Variants in GLCE observed in about 807,000 individuals in gnomAD.
The protein encoded by GLCE is D-glucuronyl C5-epimerase.
A neutral mutation model predicts 47.9 loss-of-function variants in GLCE; 19 were observed. The ratio of observed to expected loss-of-function variants is 0.40; its 90% CI spans 0.28 to 0.58. GLCE has a LOEUF of 0.58. Among genes scored for constraint, GLCE ranks in the 20% least tolerant of loss-of-function variants. GLCE has a pLI of 0.48. For synonymous variants in GLCE, 245 were observed against 263.4 expected (o/e 0.93, Z 0.68); for missense variants, 556 against 743.3 (o/e 0.75, Z 2.93).
At position 69,256,303 on chromosome 15, in the gene GLCE, C is replaced by A. The variant is rs1185987460; in HGVS notation, c.497C>A (p.Ala166Asp). 1 of 1,613,854 alleles carries A rather than the reference C, an allele frequency of 6.2e-7. No individual in the cohort carries two copies. The highest frequency in any genetic ancestry group is 1.7e-5 in the Admixed American group (1 of 60,010). ...TATTCCAAAGTCTATGCACAGAGAGCCCCCTATCACCCCGATGGTGTGTTT... is the reference window on the plus strand; with the variant it reads ...TATTCCAAAGTCTATGCACAGAGAGACCCCTATCACCCCGATGGTGTGTTT... ...HSYSKVYAQR[A>D]PYHPDGVFMS... is the part of the protein sequence containing the mutation. The change falls in exon 3 of 5, where the codon GCC (alanine) becomes GAC (aspartate). Residue 166 changes from alanine to aspartate, a missense_variant. Around this residue, in one of 3 missense-constraint regions of GLCE, gnomAD observed 237 missense variants for 310.9 expected, o/e 0.76. Transcript: ENST00000261858.
chr15:69,166,781 G>A (rs924433025), intron 1 of GLCE, among the ~76,000 whole-genome samples: 5 of 151,396 alleles, frequency 3.3e-5, no homozygotes, highest in East Asian at 3.9e-4. Flanking sequence ...TTAGCCGGGC[G>A]TGGTGGCACA....
At chr15:69,227,025 G>C (rs1372039782) in intron 2 of GLCE, among the ~76,000 whole-genome samples, 1 of 151,986 alleles carries the variant, frequency 6.6e-6, no homozygotes, top group Non-Finnish European at 1.5e-5. Flanking sequence ...AATTACAGGC[G>C]TGAGCCACCA....
Position 69,161,619 on chromosome 15 carries a change from G to A in GLCE, c.-105+862G>A, listed in dbSNP as rs567945439. Reference sequence around the variant, plus strand: ...TACCGCGCAGGCTGGGCAGCATCCTGAAACGTTTTTGTTCAGGTCTCCTTC... The same window carrying A: ...TACCGCGCAGGCTGGGCAGCATCCTAAAACGTTTTTGTTCAGGTCTCCTTC... On this transcript the variant is annotated intron_variant, in intron 1 of 4. Transcript: ENST00000261858. 4.6e-5 allele frequency among the ~76,000 whole-genome samples: 7 copies of A among 152,330 alleles called. No individual in the cohort carries two copies. In the South Asian group the frequency reaches 1.2e-3, roughly 27 times the overall value.
intron 1 of GLCE, among the ~76,000 whole-genome samples, chr15:69,170,228 T>A (rs866397198): frequency 7.2e-5 from 11 of 152,182 alleles, no homozygotes; most frequent in African/African-American, 2.4e-4. Flanking sequence ...TAAGTGAAGT[T>A]GAAACATTGT....
At chr15:69,184,205 G>T (rs12438916) in intron 1 of GLCE, among the ~76,000 whole-genome samples, 1 of 152,052 alleles carries the variant, frequency 6.6e-6, no homozygotes, top group East Asian at 1.9e-4. Flanking sequence ...ATGGCTTAAT[G>T]CTGATCCTGA....
At chr15:69,216,430 T>A (rs943064372) in intron 2 of GLCE, among the ~76,000 whole-genome samples, 1 of 152,140 alleles carries the variant, frequency 6.6e-6, no homozygotes, top group East Asian at 1.9e-4. Context: ...TGGGCTACTT[T>A]ATATAAACAT....
At position 69,210,310 on chromosome 15, in the gene GLCE, C is replaced by A. The variant is rs1350144567; in HGVS notation, c.-104-6C>A. 6.6e-6 allele frequency: 1 copy of A among 151,992 alleles called. No homozygotes were observed. Among genetic ancestry groups the A allele is most frequent in the South Asian group, 2.1e-4 (1 of 4,818 alleles). The allele number at this position is 151,992 out of a possible 1,614,324, so 9.4% of individuals were successfully genotyped here. ...TGACTTAAGGTTTTCAATTTTGTTTCTCTAGGAATTTGACAAGAAACTGAA... is the reference window on the plus strand; with the variant it reads ...TGACTTAAGGTTTTCAATTTTGTTTATCTAGGAATTTGACAAGAAACTGAA... On this transcript the variant is annotated splice_region_variant and splice_polypyrimidine_tract_variant and intron_variant, in intron 1 of 4. Transcript: ENST00000261858.
intron 3 of GLCE, 125 bp downstream of exon 3, chr15:69,256,517 G>A: frequency 2.8e-6 from 2 of 720,514 alleles, no homozygotes; most frequent in Non-Finnish European, 4.6e-6. Context: ...CTCTAATTTA[G>A]CAGGGAGGAA....
chr15:69,234,873 G>A (rs1484418235), intron 2 of GLCE, among the ~76,000 whole-genome samples: 1 of 151,996 alleles, frequency 6.6e-6, no homozygotes, highest in Non-Finnish European at 1.5e-5. Flanking sequence ...ATATCATTCT[G>A]TGGAAAGCCA....
At position 69,180,546 on chromosome 15, in the gene GLCE, A is replaced by T. The variant is rs1328004035; in HGVS notation, c.-105+19789A>T. On this transcript the variant is annotated intron_variant, in intron 1 of 4. Transcript: ENST00000261858. ...ATAAGGTGACTTTTAAATAACATGA[A>T]GACAGTCAGTGAAGGAGATATGACA... is the stretch of plus-strand genomic sequence containing the variant. 7.2e-5 allele frequency among the ~76,000 whole-genome samples: 11 copies of T among 152,350 alleles called. No individual in the cohort carries two copies. The East Asian group carries it at 2.1e-3, about 29-fold the overall frequency.
intron 1 of GLCE, chr15:69,197,334 AG>A (rs2052008963): frequency 3.9e-6 from 1 of 255,948 alleles, no homozygotes. Flanking sequence ...AAGCTTTCCA[AG>A]AGTTTATCGA....
At chr15:69,216,608 C>T (rs987434182) in intron 2 of GLCE, among the ~76,000 whole-genome samples, 1 of 151,894 alleles carries the variant, frequency 6.6e-6, no homozygotes, top group Non-Finnish European at 1.5e-5. Context: ...GCGGGGATGC[C>T]ATGTTATTTA....
At chr15:69,229,592 A>C (rs1370748188) in intron 2 of GLCE, among the ~76,000 whole-genome samples, 1 of 152,168 alleles carries the variant, frequency 6.6e-6, no homozygotes, top group Non-Finnish European at 1.5e-5. Context: ...AAGAATAATA[A>C]TATGTTATGG....
intron 2 of GLCE, among the ~76,000 whole-genome samples, chr15:69,235,058 A>G (rs896453334): frequency 5.2e-5 from 7 of 134,586 alleles, no homozygotes; most frequent in African/African-American, 1.9e-4. Flanking sequence ...ATATTTGTTG[A>G]TTAAATGAAC....
chr15:69,197,252 C>T, intron 1 of GLCE: 1 of 387,206 alleles, frequency 2.6e-6, no homozygotes, highest in Admixed American at 2.8e-5. Flanking sequence ...TTCTTGCCAA[C>T]TGACTACCAC....
Position 69,268,286 on chromosome 15 carries a change from A to G in GLCE, c.896A>G (p.Lys299Arg), listed in dbSNP as rs1282399902. The G allele has an allele frequency of 4.3e-6, 7 of 1,612,516 alleles. No individual in the cohort carries two copies. The highest frequency in any genetic ancestry group is 2.7e-5 in the African/African-American group (2 of 74,860). Residue 299 changes from lysine to arginine, a missense_variant, in exon 5 of 5, where the codon AAG becomes AGG. Physicochemically the swap from Lys to Arg is conservative, Grantham distance 26. Around this residue, in one of 3 missense-constraint regions of GLCE, gnomAD observed 74 missense variants for 64.4 expected, o/e 1.15. Coordinates refer to ENST00000261858, the MANE Select transcript of GLCE (RefSeq NM_015554.3). Reference sequence around the variant, plus strand: ...GATTTTATTATTTCATTTGACCTCAAGTTCTTGACAAATGGAAGTGTGTCC... The same window carrying G: ...GATTTTATTATTTCATTTGACCTCAGGTTCTTGACAAATGGAAGTGTGTCC... The part of the protein sequence containing the change: ...TKDFIISFDL[K>R]FLTNGSVSVV...
Position 69,251,944 on chromosome 15 carries a change from A to C in GLCE, c.-13-3850A>C, listed in dbSNP as rs1420780089. 4.6e-5 allele frequency among the ~76,000 whole-genome samples: 7 copies of C among 152,096 alleles called. No individual in the cohort carries two copies. In the East Asian group the frequency reaches 1.3e-3, roughly 29 times the overall value. ...CTCTCAGTTTTAGCAATTAGCAATA[A>C]TTTTCTAATTTTATCTGTCTCCTGC... is the stretch of plus-strand genomic sequence containing the variant. On this transcript the variant is annotated intron_variant, in intron 2 of 4. Transcript: ENST00000261858.
At chr15:69,172,371 G>A (rs1370347315) in intron 1 of GLCE, among the ~76,000 whole-genome samples, 1 of 152,152 alleles carries the variant, frequency 6.6e-6, no homozygotes, top group African/African-American at 2.4e-5. Flanking sequence ...AACAAGTAAT[G>A]ACACCTAGCT....
intron 1 of GLCE, among the ~76,000 whole-genome samples, chr15:69,167,045 G>C (rs113983787): frequency 6.7e-6 from 1 of 150,154 alleles, no homozygotes; most frequent in African/African-American, 2.4e-5. Flanking sequence ...GTGAAACCCC[G>C]TCTCTACTAA....
Sources: gnomAD v4.1 joint callset for allele counts (sites outside exome capture counted in the v4.1 genomes callset) on GRCh38, gnomAD v4.1.1 for gene constraint, gnomAD v4.1.1 regional missense constraint, MANE v1.5 for transcripts, NCBI Gene and HGNC (gene_info 2026-07-23, HGNC 2026-07-21) for gene names.